Variants in RHOU observed in about 807,000 individuals in gnomAD.
RHOU encodes the protein ras homolog family member U, also known as rho-related GTP-binding protein RhoU.
Under a neutral mutation model 12.6 loss-of-function variants are expected in RHOU, and 8 were observed. The observed-to-expected ratio is 0.64, with a 90% CI of 0.37 to 1.15. RHOU has a LOEUF of 1.15. Among genes scored for constraint, RHOU ranks in the 50% most tolerant of loss-of-function variants. The pLI, the probability that RHOU is intolerant of heterozygous loss-of-function variation, is 0.01. For missense variants in RHOU, 258 were observed against 347.0 expected (o/e 0.74, Z 2.04); for synonymous variants, 161 against 147.4 (o/e 1.09, Z -0.67).
the RHOU span, among the ~76,000 whole-genome samples, chr1:228,730,159 G>A: frequency 1.3e-5 from 2 of 152,194 alleles, no homozygotes; most frequent in African/African-American, 4.8e-5. Context: ...CAAGGTACAG[G>A]GTTAAGGAAG....
chr1:228,694,737 G>A, the RHOU span, among the ~76,000 whole-genome samples: 371 of 152,192 alleles, frequency 2.4e-3, no homozygotes, highest in African/African-American at 8.6e-3. Flanking sequence ...GGGCAGTTAG[G>A]TTGAGTCCAT....
At chr1:228,648,018 G>A in the RHOU span, 1 of 152,276 alleles carries the variant, frequency 6.6e-6, no homozygotes, top group Admixed American at 6.5e-5. Context: ...CCTTCGGGGT[G>A]GTATGGCCTT....
the RHOU span, among the ~76,000 whole-genome samples, chr1:228,728,114 T>A: frequency 1.3e-5 from 2 of 152,126 alleles, no homozygotes; most frequent in Non-Finnish European, 2.9e-5. Flanking sequence ...CAAAGAGGAA[T>A]GGCAGGGTTG....
chr1:228,690,798 A>G, the RHOU span, among the ~76,000 whole-genome samples: 2 of 150,112 alleles, frequency 1.3e-5, no homozygotes, highest in African/African-American at 2.5e-5. Flanking sequence ...TTTTACTTTT[A>G]GTAGAGACGC....
chr1:228,743,074 G>A lies in RHOU; in HGVS notation c.322-211G>A, dbSNP rs949977261. 3.9e-5 allele frequency among the ~76,000 whole-genome samples: 6 copies of A among 152,166 alleles called. No homozygotes were observed. The highest frequency in any genetic ancestry group is 7.3e-5 in the Non-Finnish European group (5 of 68,040). On this transcript the variant is annotated intron_variant, in intron 2 of 2. Transcript: ENST00000366691. The surrounding 1 kb of genome is among the most constrained non-coding windows in gnomAD (Gnocchi z 5.1). ...TTTGGCAGTGTTCAGACCATAGCTG[G>A]CCCTGAAAGCAGATGGCTGCCACAC...
chr1:228,707,637 C>T, the RHOU span, among the ~76,000 whole-genome samples: 2 of 152,046 alleles, frequency 1.3e-5, no homozygotes, highest in African/African-American at 4.8e-5. Flanking sequence ...GAAAGGACAT[C>T]CACACCAAAA....
the RHOU span, among the ~76,000 whole-genome samples, chr1:228,651,784 A>AC: frequency 6.6e-6 from 1 of 152,226 alleles, no homozygotes; most frequent in Non-Finnish European, 1.5e-5. Flanking sequence ...CACAATTTCC[A>AC]CCTTATTTTT....
the RHOU span, among the ~76,000 whole-genome samples, chr1:228,717,895 G>A: frequency 2.0e-5 from 3 of 152,128 alleles, no homozygotes; most frequent in Non-Finnish European, 1.5e-5. Flanking sequence ...TAAAAAATTC[G>A]GGTAATTCCA....
the RHOU span, among the ~76,000 whole-genome samples, chr1:228,696,604 T>C: frequency 6.6e-6 from 1 of 152,176 alleles, no homozygotes; most frequent in Non-Finnish European, 1.5e-5. Flanking sequence ...TGGAGTGCAG[T>C]GGTGCTATCA....
chr1:228,660,992 G>C, the RHOU span, among the ~76,000 whole-genome samples: 1 of 150,312 alleles, frequency 6.7e-6, no homozygotes, highest in Non-Finnish European at 1.5e-5. Flanking sequence ...AAAGTTTCAG[G>C]ATACAAAATC....
the RHOU span, among the ~76,000 whole-genome samples, chr1:228,721,265 G>A: frequency 2.6e-5 from 4 of 152,110 alleles, no homozygotes; most frequent in South Asian, 2.1e-4. Flanking sequence ...TGGTGCCACC[G>A]CACTCCAGCC....
At chr1:228,677,058 A>T in the RHOU span, among the ~76,000 whole-genome samples, 6 of 151,880 alleles carry the variant, frequency 4.0e-5, no homozygotes, top group Non-Finnish European at 4.4e-5. Flanking sequence ...GGCGGTGAAA[A>T]TTTTTTGGGG....
the RHOU span, among the ~76,000 whole-genome samples, chr1:228,726,388 G>A: frequency 0.02 from 3,056 of 152,220 alleles, 55 homozygotes; most frequent in South Asian, 0.039. Flanking sequence ...CTCTAAGGCC[G>A]GGCGCAGTGG....
the RHOU span, among the ~76,000 whole-genome samples, chr1:228,680,631 G>T: frequency 2.6e-5 from 4 of 152,100 alleles, no homozygotes; most frequent in Non-Finnish European, 4.4e-5. Flanking sequence ...TCCAATTTTT[G>T]AAGCTTTTTT....
At chr1:228,734,470 C>A (rs1486240734), upstream of RHOU, among the ~76,000 whole-genome samples, 2 of 152,140 alleles carry the variant, frequency 1.3e-5, no homozygotes, top group Non-Finnish European at 2.9e-5. Flanking sequence ...TGTGGAATCC[C>A]AAAACGTTAC....
chr1:228,719,539 G>C, the RHOU span, among the ~76,000 whole-genome samples: 2 of 152,166 alleles, frequency 1.3e-5, no homozygotes, highest in South Asian at 4.1e-4. Context: ...AGACCAGCCT[G>C]GCCAACATGG....
At chr1:228,650,497 G>C in the RHOU span, 1 of 456,588 alleles carries the variant, frequency 2.2e-6, no homozygotes, top group Non-Finnish European at 4.4e-6. Flanking sequence ...GGCCGTGATG[G>C]TGCTGAACTA....
chr1:228,738,630 C>G lies in RHOU; in HGVS notation c.321+899C>G, dbSNP rs1230011334. 6.6e-6 allele frequency among the ~76,000 whole-genome samples: 1 copy of G among 152,186 alleles called. No individual in the cohort carries two copies. Among genetic ancestry groups the G allele is most frequent in the Non-Finnish European group, 1.5e-5 (1 of 68,040 alleles). Reference sequence around the variant, plus strand: ...CTGGCTTTCCACTGCCCCCCAGAGCCTCATCTACGCCAGAGCTTCCAAGTT... The same window carrying G: ...CTGGCTTTCCACTGCCCCCCAGAGCGTCATCTACGCCAGAGCTTCCAAGTT... On this transcript the variant is annotated intron_variant, in intron 2 of 2. Transcript: ENST00000366691. The surrounding 1 kb of genome is among the most constrained non-coding windows in gnomAD (Gnocchi z 4.2).
intron 2 of RHOU, among the ~76,000 whole-genome samples, chr1:228,739,347 T>C (rs1353595896): frequency 3.9e-5 from 6 of 151,964 alleles, no homozygotes; most frequent in Non-Finnish European, 7.4e-5. Context: ...GGGTGGATCA[T>C]GAGGTCAGGA....
Sources: allele counts gnomAD v4.1 joint callset (sites outside exome capture counted in the v4.1 genomes callset), GRCh38; gene constraint gnomAD v4.1.1; non-coding constraint Gnocchi (gnomAD v3.1); transcripts MANE v1.5; gene names NCBI Gene and HGNC (gene_info 2026-07-23, HGNC 2026-07-21).